The following PAPOLG variants were observed in gnomAD, a reference collection of about 807,000 sequenced individuals.
PAPOLG encodes the protein PAP-gamma.
PAPOLG carries 40 observed loss-of-function variants against 99.0 expected under a neutral mutation model. The ratio of observed to expected loss-of-function variants is 0.40; its 90% confidence interval spans 0.31 to 0.53. PAPOLG has a LOEUF of 0.53. PAPOLG is among the 20% of genes least tolerant of loss of function. The pLI, the probability that PAPOLG is intolerant of heterozygous loss-of-function variation, is 0.41. For missense variants in PAPOLG, 675 were observed against 884.1 expected (o/e 0.76, Z 3.00); for synonymous variants, 310 against 299.3 (o/e 1.04, Z -0.37).
At chr2:60,759,381 A>G (rs918145241) in intron 1 of PAPOLG, among the ~76,000 whole-genome samples, 1 of 152,090 alleles carries the variant, frequency 6.6e-6, no homozygotes, top group Non-Finnish European at 1.5e-5. Flanking sequence ...AAAAAAAAGA[A>G]AAAAAAGTCT....
rs757758143 is a variant in PAPOLG, at chr2:60,771,555, A to G, written c.529A>G (p.Ile177Val). Residue 177 changes from isoleucine (I) to valine (V), a missense_variant, in exon 7 of 22, where the codon ATA (isoleucine) becomes GTA (valine). This residue lies in a region of PAPOLG where 113 missense variants were observed against 231.5 expected (regional missense o/e 0.49). Coordinates refer to ENST00000238714, the MANE Select transcript of PAPOLG (RefSeq NM_022894.4). Reference protein sequence around the residue: ...LVFARLAIQTISDNLDLRDDS... With the variant: ...LVFARLAIQTVSDNLDLRDDS... Reference sequence around the variant, plus strand: ...CTTTGCAAGACTGGCAATACAAACCATATCAGATAATTTAGATCTAAGAGA... The same window carrying G: ...CTTTGCAAGACTGGCAATACAAACCGTATCAGATAATTTAGATCTAAGAGA... 3.4e-5 allele frequency: 54 copies of G among 1,607,136 alleles called. No individual in the cohort carries two copies. The highest frequency in any genetic ancestry group is 3.3e-5 in the Non-Finnish European group (39 of 1,178,298).
At chr2:60,780,269 T>C (rs961962073) in intron 9 of PAPOLG, among the ~76,000 whole-genome samples, 1 of 151,648 alleles carries the variant, frequency 6.6e-6, no homozygotes, top group African/African-American at 2.4e-5. Flanking sequence ...TATACTTTCT[T>C]ACCTAGCCTT....
chr2:60,793,205 TAAAAAA>T (rs779034834), intron 17 of PAPOLG, among the ~76,000 whole-genome samples: 1 of 45,526 alleles, frequency 2.2e-5, no homozygotes, highest in African/African-American at 9.4e-5. Flanking sequence ...ATACCATGTC[TAAAAAA>T]AAAAAAAAAA....
Position 60,786,974 on chromosome 2 carries a change from T to G in PAPOLG, c.1194T>G (p.Arg398=). Residue 398 remains arginine, a synonymous_variant, in exon 14 of 22, where the codon CGT becomes CGG. Coordinates refer to ENST00000238714, the MANE Select transcript of PAPOLG (RefSeq NM_022894.4). The part of the protein sequence containing the change: ...EWVGLVESKI[R]VLVGNLERNE... ...TTGGATTAGTAGAATCTAAAATCCG[T>G]GTACTTGTTGGAAACTTGGAACGGA... 6.2e-7 allele frequency: 1 copy of G among 1,611,984 alleles called. No homozygotes were observed. Among genetic ancestry groups the G allele is most frequent in the South Asian group, 1.1e-5 (1 of 90,786 alleles).
chr2:60,786,113 A>G (rs1245540106), intron 13 of PAPOLG, among the ~76,000 whole-genome samples: 3 of 152,200 alleles, frequency 2.0e-5, no homozygotes, highest in Non-Finnish European at 4.4e-5. Context: ...TTCATAGGTA[A>G]TATGCTGTTT....
At chr2:60,774,341 C>A (rs1670948213) in intron 7 of PAPOLG, among the ~76,000 whole-genome samples, 1 of 151,206 alleles carries the variant, frequency 6.6e-6, no homozygotes, top group East Asian at 1.9e-4. Flanking sequence ...CCCAGGGGTA[C>A]CCAGACCATA....
chr2:60,769,909 C>T (rs529383207), intron 5 of PAPOLG, among the ~76,000 whole-genome samples: 24 of 152,156 alleles, frequency 1.6e-4, no homozygotes, highest in African/African-American at 5.8e-4. Context: ...TCGTAATGTT[C>T]TCCCTCCCTT....
intron 1 of PAPOLG, among the ~76,000 whole-genome samples, chr2:60,757,716 A>T (rs749177616): frequency 6.6e-6 from 1 of 152,242 alleles, no homozygotes; most frequent in African/African-American, 2.4e-5. Flanking sequence ...TAATGTTACA[A>T]TGTGACAGTG....
chr2:60,778,797 CCTT>C (rs1201461641), intron 8 of PAPOLG, among the ~76,000 whole-genome samples: 1 of 152,010 alleles, frequency 6.6e-6, no homozygotes, highest in Non-Finnish European at 1.5e-5. Context: ...AACAATTTGC[CCTT>C]CTTTAAAGAT....
At chr2:60,783,632 G>A (rs952656120) in intron 13 of PAPOLG, among the ~76,000 whole-genome samples, 4 of 145,128 alleles carry the variant, frequency 2.8e-5, no homozygotes, top group African/African-American at 5.1e-5. Context: ...TGCCTTAGCC[G>A]CCTGAGTAGC....
intron 3 of PAPOLG, among the ~76,000 whole-genome samples, chr2:60,763,040 T>TAC (rs1420960446): frequency 1.3e-5 from 2 of 151,876 alleles, no homozygotes; most frequent in Non-Finnish European, 2.9e-5. Context: ...GTGCTGGGAT[T>TAC]ACAGGCTTGA....
At chr2:60,786,818 C>T (rs765842847) in intron 13 of PAPOLG, 129 bp from the exon 14 acceptor site, 2 of 1,114,946 alleles carry the variant, frequency 1.8e-6, no homozygotes, top group Non-Finnish European at 2.5e-6. Context: ...ATGTGAGCCA[C>T]CATGCCCAGC....
intron 5 of PAPOLG, among the ~76,000 whole-genome samples, 184 bp downstream of exon 5, chr2:60,769,074 G>A (rs934454047): frequency 3.3e-5 from 5 of 152,070 alleles, no homozygotes; most frequent in African/African-American, 1.2e-4. Flanking sequence ...ATACAGACTT[G>A]GGTTGGCATC....
At chr2:60,780,414 T>G (rs1255057209) in intron 9 of PAPOLG, among the ~76,000 whole-genome samples, 1 of 152,062 alleles carries the variant, frequency 6.6e-6, no homozygotes, top group Non-Finnish European at 1.5e-5. Context: ...TACCTGGGAC[T>G]ATAAGCGTGC....
At position 60,771,105 on chromosome 2, in the gene PAPOLG, T is replaced by C. The variant is rs993371504; in HGVS notation, c.493-414T>C. On this transcript the variant is annotated intron_variant, in intron 6 of 21. Coordinates refer to ENST00000238714, the MANE Select transcript of PAPOLG (RefSeq NM_022894.4). ...TTCCAGCTTTCATAGCTTTTGTTTG[T>C]CACTTTCTGTTCTTTGTCCTAGTGA... 5.9e-5 allele frequency among the ~76,000 whole-genome samples: 9 copies of C among 152,312 alleles called. No individual in the cohort carries two copies. In the South Asian group the frequency reaches 8.3e-4, roughly 14 times the overall value.
intron 15 of PAPOLG, among the ~76,000 whole-genome samples, chr2:60,790,431 A>G (rs558364371): frequency 2.3e-4 from 35 of 152,248 alleles, no homozygotes; most frequent in Non-Finnish European, 4.7e-4. Flanking sequence ...CAGTGGGCTT[A>G]TAATCTCATT....
intron 15 of PAPOLG, among the ~76,000 whole-genome samples, chr2:60,788,927 A>G (rs1438540843): frequency 2.0e-5 from 3 of 152,072 alleles, no homozygotes; most frequent in Non-Finnish European, 2.9e-5. Context: ...CCAGAAGGTC[A>G]AGGCTGCAGT....
intron 13 of PAPOLG, among the ~76,000 whole-genome samples, chr2:60,785,509 T>G (rs1485754270): frequency 6.6e-6 from 1 of 152,136 alleles, no homozygotes; most frequent in Non-Finnish European, 1.5e-5. Context: ...TTTCATTGTT[T>G]AAACTTATCT....
At chr2:60,792,347 A>G in intron 17 of PAPOLG, 58 bp downstream of exon 17, 1 of 1,473,936 alleles carries the variant, frequency 6.8e-7, no homozygotes, top group Middle Eastern at 2.1e-4. Context: ...TTTGAGGATA[A>G]TGTGAACTTT....
Sources: gnomAD v4.1 joint callset for allele counts (sites outside exome capture counted in the v4.1 genomes callset) on GRCh38, gnomAD v4.1.1 for gene constraint, gnomAD v4.1.1 regional missense constraint, MANE v1.5 for transcripts, NCBI Gene and HGNC (gene_info 2026-07-23, HGNC 2026-07-21) for gene names.